Variants in NBPF26 observed in about 807,000 individuals in gnomAD.
NBPF26 encodes NBPF member 26, also known as NBPF family member NBPF26.
NBPF26 carries 79 observed loss-of-function variants against 119.6 expected under a neutral mutation model. That is an observed-to-expected ratio of 0.66 (90% CI 0.55 to 0.80). NBPF26 has a LOEUF of 0.80. Ranked by LOEUF, NBPF26 falls within the 30% of genes least tolerant of loss-of-function variation. NBPF26 has a pLI of 0.00. For synonymous variants in NBPF26, 299 were observed against 457.7 expected (o/e 0.65, Z 4.43); for missense variants, 800 against 1,198.2 (o/e 0.67, Z 4.91).
At chr1:120,813,123 T>C (rs1651914107) in intron 10 of NBPF26, among the ~76,000 whole-genome samples, 2 of 119,372 alleles carry the variant, frequency 1.7e-5, no homozygotes, top group African/African-American at 4.5e-5. Flanking sequence ...TCTCCTGGGC[T>C]CCATCCAAGT....
chr1:120,833,191 C>T (rs1299033073), intron 23 of NBPF26, among the ~76,000 whole-genome samples: 1 of 118,204 alleles, frequency 8.5e-6, no homozygotes, highest in Non-Finnish European at 1.7e-5. Context: ...GTTGACCATA[C>T]TTCAAAAGCT....
At chr1:120,806,555 T>A (rs2101492418) in intron 5 of NBPF26, among the ~76,000 whole-genome samples, 1 of 125,450 alleles carries the variant, frequency 8.0e-6, no homozygotes, top group Non-Finnish European at 1.6e-5. Context: ...ATTGCACTAT[T>A]GAACTCCAGC....
Position 120,792,812 on chromosome 1 carries a change from T to C in NBPF26, c.416-349T>C, listed in dbSNP as rs1275130331. On this transcript the variant is annotated intron_variant, in intron 3 of 29. Coordinates refer to ENST00000620612, the Ensembl canonical transcript of NBPF26. Reference sequence around the variant, plus strand: ...ACTGCTCCTGGCCCAGAAGTTGATATTCAAACAGGAGCAGCATATGCAAAG... The same window carrying C: ...ACTGCTCCTGGCCCAGAAGTTGATACTCAAACAGGAGCAGCATATGCAAAG... Among the ~76,000 whole-genome samples, 67 of 96,058 alleles carry C rather than the reference T, an allele frequency of 7.0e-4. 19 individuals are homozygous for C. Among genetic ancestry groups the C allele is most frequent in the African/African-American group, 4.9e-3 (65 of 13,330 alleles). The allele number at this position is 96,058 out of a possible 152,430, so 63.0% of individuals were successfully genotyped here.
At position 120,814,870 on chromosome 1, in the gene NBPF26, C is replaced by T. The variant is rs1651972269; in HGVS notation, c.1919C>T (p.Thr640Ile). ...GTTCACGCTCAGGAACGAGAGCTGA[C>T]CCAGTTAAGGGAGAAGTTGCGGGAA... is the stretch of plus-strand genomic sequence containing the variant. Residue 640 changes from threonine (T) to isoleucine (I), a missense_variant, in exon 12 of 30, where the codon ACC (threonine) becomes ATC (isoleucine). Around this residue, in one of 13 missense-constraint regions of NBPF26, gnomAD observed 22 missense variants for 33.0 expected, o/e 0.67. Coordinates refer to ENST00000620612, the Ensembl canonical transcript of NBPF26. 5.6e-6 allele frequency: 7 copies of T among 1,241,232 alleles called. No individual in the cohort carries two copies. The Admixed American group carries it at 7.5e-5, about 13-fold the overall frequency. 76.9% of individuals were successfully genotyped at this position (1,241,232 alleles called of 1,614,324 possible). A position where few individuals can be genotyped will look rare whatever the true frequency, so the allele number is the denominator to read the frequency against.
chr1:120,745,322 T>C (rs1330591696), intron 1 of NBPF26, among the ~76,000 whole-genome samples: 1 of 78,714 alleles, frequency 1.3e-5, no homozygotes, highest in Admixed American at 1.3e-4. Context: ...TCACATAGTA[T>C]GGACAAGCAT....
At chr1:120,812,927 TAATAATAA>T in intron 10 of NBPF26, among the ~76,000 whole-genome samples, 3 of 11,674 alleles carry the variant, frequency 2.6e-4, no homozygotes, top group African/African-American at 7.7e-4. Context: ...CTAAAAATAA[TAATAATAA>T]TAATAATAAT....
rs1651839805 is a variant in NBPF26, at chr1:120,810,683, G to A, written c.1564+125G>A. ...AGAAACTGGGATGGAGCTAGGTGCT[G>A]TGACTCACACATATAATCACAGCAC... On this transcript the variant is annotated intron_variant, in intron 9 of 29. Coordinates refer to ENST00000620612, the Ensembl canonical transcript of NBPF26. The A allele has an allele frequency of 1.1e-5, 13 of 1,192,502 alleles. No individual in the cohort carries two copies. The South Asian group carries it at 1.7e-4, about 16-fold the overall frequency. 73.9% of individuals were successfully genotyped at this position (1,192,502 alleles called of 1,614,324 possible). A position where few individuals can be genotyped will look rare whatever the true frequency, so the allele number is the denominator to read the frequency against.
rs1199939834 is a variant in NBPF26, at chr1:120,763,104, A to T, written c.74-524A>T. ...CATTTCTCCTTTTTTCTGGATCCTA[A>T]TTTTGTGCCTGGTGCATACTAGGCT... On this transcript the variant is annotated intron_variant, in intron 1 of 29. Transcript: ENST00000620612. 1.3e-4 allele frequency among the ~76,000 whole-genome samples: 8 copies of T among 60,618 alleles called. 3 individuals carry two copies. The highest frequency in any genetic ancestry group is 1.0e-3 in the African/African-American group (6 of 6,014). The allele number at this position is 60,618 out of a possible 152,430, so 39.8% of individuals were successfully genotyped here.
exon 10 of NBPF26, chr1:120,811,958 C>T: frequency 8.1e-7 from 1 of 1,231,824 alleles, no homozygotes; most frequent in South Asian, 1.3e-5. Context: ...GGCGAGAAGG[C>T]AGCGATAAAC....
In NBPF26 at chr1:120,824,040, T is replaced by C. The variant is rs1553272430; in HGVS notation, c.2706T>C (p.Tyr902=). ...TGCAGGACTCACTGGATAGATGTTA[T>C]TCAACTCCTTCAGGTTGTCTTGAAC... The change falls in exon 18 of 30, where the codon TAT becomes TAC. Residue 902 remains tyrosine (Y), a synonymous_variant. Coordinates refer to ENST00000620612, the Ensembl canonical transcript of NBPF26. 7.4e-6 allele frequency: 4 copies of C among 537,356 alleles called. No individual in the cohort carries two copies. The East Asian group carries it at 8.2e-5, about 11-fold the overall frequency. The allele number at this position is 537,356 out of a possible 1,614,324, so 33.3% of individuals were successfully genotyped here. A position where few individuals can be genotyped will look rare whatever the true frequency, so the allele number is the denominator to read the frequency against.
In NBPF26 at chr1:120,803,424, T is replaced by A. The variant is rs1437318650; in HGVS notation, c.752-2132T>A. Among the ~76,000 whole-genome samples, 25 of 126,428 alleles carry A rather than the reference T, an allele frequency of 2.0e-4. 2 individuals are homozygous for A. The highest frequency in any genetic ancestry group is 3.4e-4 in the Non-Finnish European group (21 of 61,442). The allele number at this position is 126,428 out of a possible 152,430, so 82.9% of individuals were successfully genotyped here. A position where few individuals can be genotyped will look rare whatever the true frequency, so the allele number is the denominator to read the frequency against. Reference sequence around the variant, plus strand: ...CATGTCTCATACTTCTCTTGTATATTCCAAAGTTCCAGGGAAATTCCAGGT... The same window carrying A: ...CATGTCTCATACTTCTCTTGTATATACCAAAGTTCCAGGGAAATTCCAGGT... On this transcript the variant is annotated intron_variant, in intron 4 of 29. Transcript: ENST00000620612.
downstream of NBPF26, among the ~76,000 whole-genome samples, chr1:120,842,124 G>T (rs1553273750): frequency 9.9e-4 from 108 of 109,546 alleles, 8 homozygotes; most frequent in East Asian, 0.02. Context: ...TGGACTTTTG[G>T]ATTGTTTTTT....
intron 2 of NBPF26, among the ~76,000 whole-genome samples, chr1:120,765,227 G>A (rs1225717210): frequency 9.1e-6 from 1 of 110,046 alleles, no homozygotes; most frequent in Non-Finnish European, 1.8e-5. Context: ...GATAATAAGG[G>A]AGGGAACTTA....
chr1:120,769,605 T>C (rs1222542224), intron 2 of NBPF26, among the ~76,000 whole-genome samples: 1 of 122,454 alleles, frequency 8.2e-6, no homozygotes. Flanking sequence ...ATACCTCTCA[T>C]AGAGTAATCT....
rs1387076892 is a variant in NBPF26, at chr1:120,728,007, G to A, written c.73+3757G>A. Among the ~76,000 whole-genome samples, 2 of 119,048 alleles carry A rather than the reference G, an allele frequency of 1.7e-5. 1 individual carries two copies. Among genetic ancestry groups the A allele is most frequent in the Non-Finnish European group, 3.3e-5 (2 of 61,270 alleles). The allele number at this position is 119,048 out of a possible 152,430, so 78.1% of individuals were successfully genotyped here. ...GGTCCTCCATTTTCTGATGTTCATT[G>A]TTCATGGTCACAGAGCCAATTAGAG... On this transcript the variant is annotated intron_variant, in intron 1 of 29. Coordinates refer to ENST00000620612, the Ensembl canonical transcript of NBPF26.
intron 1 of NBPF26, among the ~76,000 whole-genome samples, chr1:120,756,087 T>G (rs1378067571): frequency 2.6e-5 from 3 of 115,098 alleles, no homozygotes; most frequent in Middle Eastern, 7.2e-3. Flanking sequence ...CATGGCTTGA[T>G]CCCAAAAAAT....
At chr1:120,770,751 C>T (rs1170282473) in intron 2 of NBPF26, among the ~76,000 whole-genome samples, 1 of 117,570 alleles carries the variant, frequency 8.5e-6, no homozygotes, top group African/African-American at 4.9e-5. Context: ...TCTCAGTTTG[C>T]CTGTCAATAA....
rs1483400217 is a variant in NBPF26, at chr1:120,794,243, G to A, written c.751+747G>A. On this transcript the variant is annotated intron_variant, in intron 4 of 29. Coordinates refer to ENST00000620612, the Ensembl canonical transcript of NBPF26. The stretch of plus-strand genomic sequence containing the variant: ...TAGAAATAAAAAGAGGAGCAGTGTC[G>A]GGGAGCTTGGGGCCTGGTGTTCCAT... Among the ~76,000 whole-genome samples the A allele has an allele frequency of 9.7e-5, 11 of 113,382 alleles. 2 individuals are homozygous for A. Among genetic ancestry groups the A allele is most frequent in the South Asian group, 2.6e-4 (1 of 3,816 alleles). The allele number at this position is 113,382 out of a possible 152,430, so 74.4% of individuals were successfully genotyped here.
intron 18 of NBPF26, among the ~76,000 whole-genome samples, chr1:120,825,262 T>A (rs1470340574): frequency 0.82 from 99,709 of 122,092 alleles, 45,210 homozygotes; most frequent in African/African-American, 0.91. Context: ...CCCCTTCATC[T>A]GTGTGTCACC....
Sources: gnomAD v4.1 joint callset for allele counts (sites outside exome capture counted in the v4.1 genomes callset) on GRCh38, gnomAD v4.1.1 for gene constraint, gnomAD v4.1.1 regional missense constraint, MANE v1.5 for transcripts, NCBI Gene and HGNC (gene_info 2026-07-23, HGNC 2026-07-21) for gene names.